Variants in RIT2 observed in about 807,000 individuals in gnomAD.
RIT2 encodes the protein GTP-binding protein Rit2.
Under a neutral mutation model 23.7 loss-of-function variants are expected in RIT2, and 24 were observed. That is an observed-to-expected ratio of 1.01 (90% CI 0.73 to 1.43). The LOEUF is 1.43. Ranked by LOEUF, RIT2 falls within the 40% of genes most tolerant of loss-of-function variation. The pLI, the probability that RIT2 is intolerant of heterozygous loss-of-function variation, is 0.00. For synonymous variants in RIT2, 107 were observed against 91.1 expected, an observed-to-expected ratio of 1.17 and a Z score of -0.99; for missense variants, 236 against 266.9, an observed-to-expected ratio of 0.88 and a Z score of 0.81.
At chr18:43,008,094 G>A (rs183862161) in intron 2 of RIT2, among the ~76,000 whole-genome samples, 92 of 151,628 alleles carry the variant, frequency 6.1e-4, no homozygotes, top group African/African-American at 2.2e-3. Context: ...TCTGAATGTG[G>A]CTAAATCTTT....
intron 3 of RIT2, among the ~76,000 whole-genome samples, chr18:42,932,571 A>G (rs1168396760): frequency 6.6e-6 from 1 of 152,160 alleles, no homozygotes; most frequent in Non-Finnish European, 1.5e-5. Flanking sequence ...CTGATCATAA[A>G]AGCTGTCTCT....
At chr18:42,942,426 C>A (rs1447142740) in intron 3 of RIT2, among the ~76,000 whole-genome samples, 1 of 152,152 alleles carries the variant, frequency 6.6e-6, no homozygotes, top group African/African-American at 2.4e-5. Flanking sequence ...AACATTAAAT[C>A]AACTTTCACA....
chr18:42,913,688 A>C (rs756716246), intron 4 of RIT2, among the ~76,000 whole-genome samples: 1 of 152,012 alleles, frequency 6.6e-6, no homozygotes, highest in Non-Finnish European at 1.5e-5. Context: ...AAGAGTAAAA[A>C]GGTGGTTGCT....
chr18:42,991,169 T>C (rs1398923272), intron 2 of RIT2, among the ~76,000 whole-genome samples: 6 of 152,184 alleles, frequency 3.9e-5, no homozygotes, highest in African/African-American at 1.4e-4. Context: ...CCTTCCATGA[T>C]TGAGACAGAA....
intron 4 of RIT2, among the ~76,000 whole-genome samples, chr18:42,767,045 C>T (rs1458271415): frequency 6.6e-6 from 1 of 152,230 alleles, no homozygotes; most frequent in Non-Finnish European, 1.5e-5. Flanking sequence ...TCATCAAGAA[C>T]CTCTGCTAGG....
At chr18:42,795,065 C>T (rs1914126576) in intron 4 of RIT2, among the ~76,000 whole-genome samples, 1 of 152,226 alleles carries the variant, frequency 6.6e-6, no homozygotes, top group East Asian at 1.9e-4. Context: ...CCTGGTCGCA[C>T]TGAGAGGTGA....
intron 1 of RIT2, among the ~76,000 whole-genome samples, chr18:43,042,525 C>G (rs760227811): frequency 6.6e-5 from 10 of 152,192 alleles, no homozygotes; most frequent in Non-Finnish European, 1.5e-4. Context: ...ATGGCTTGCT[C>G]TATATTTCTT....
At chr18:42,807,343 G>A (rs1470289771) in intron 4 of RIT2, among the ~76,000 whole-genome samples, 2 of 152,180 alleles carry the variant, frequency 1.3e-5, no homozygotes, top group Non-Finnish European at 2.9e-5. Context: ...TAGGCTGGGT[G>A]CAGTGGCTCA....
intron 3 of RIT2, among the ~76,000 whole-genome samples, chr18:42,958,982 C>G (rs1244795471): frequency 1.3e-5 from 2 of 152,142 alleles, no homozygotes; most frequent in Admixed American, 1.3e-4. Context: ...CTCCTGAACT[C>G]AAGATCATGT....
At chr18:43,047,211 A>C (rs950214555) in intron 1 of RIT2, among the ~76,000 whole-genome samples, 2 of 151,204 alleles carry the variant, frequency 1.3e-5, no homozygotes, top group South Asian at 2.1e-4. Flanking sequence ...TTGTGCTTAT[A>C]TCTCTCCCTT....
At chr18:42,746,949 C>A (rs1912931221) in intron 4 of RIT2, among the ~76,000 whole-genome samples, 1 of 151,978 alleles carries the variant, frequency 6.6e-6, no homozygotes, top group Non-Finnish European at 1.5e-5. Context: ...CGATGTAGCA[C>A]TGAATGGGGA....
At chr18:43,036,691 A>G (rs527775046) in intron 1 of RIT2, among the ~76,000 whole-genome samples, 80 of 152,294 alleles carry the variant, frequency 5.3e-4, no homozygotes, top group Non-Finnish European at 6.0e-4. Flanking sequence ...CTTCTGACCC[A>G]CCGCTGAGAC....
At chr18:43,006,115 G>C (rs1254786961) in intron 2 of RIT2, among the ~76,000 whole-genome samples, 1 of 151,682 alleles carries the variant, frequency 6.6e-6, no homozygotes, top group African/African-American at 2.4e-5. Flanking sequence ...TAAAAGTAGG[G>C]GAAGAGAACG....
intron 4 of RIT2, among the ~76,000 whole-genome samples, chr18:42,786,827 T>C (rs1913933111): frequency 6.6e-6 from 1 of 152,124 alleles, no homozygotes; most frequent in Non-Finnish European, 1.5e-5. Context: ...TCAGATCCAG[T>C]CTTTTTGCTC....
chr18:42,931,100 C>G (rs1409978851), intron 3 of RIT2, among the ~76,000 whole-genome samples: 1 of 152,040 alleles, frequency 6.6e-6, no homozygotes, highest in Non-Finnish European at 1.5e-5. Context: ...TAGACTCTAA[C>G]CTACCTGAGC....
intron 3 of RIT2, among the ~76,000 whole-genome samples, chr18:42,972,509 T>C (rs1910385615): frequency 6.6e-6 from 1 of 151,014 alleles, no homozygotes; most frequent in African/African-American, 2.5e-5. Flanking sequence ...GGAAATAATA[T>C]GATGAAGATT....
chr18:42,815,339 G>A (rs866344734), intron 4 of RIT2, among the ~76,000 whole-genome samples: 6 of 152,126 alleles, frequency 3.9e-5, no homozygotes, highest in African/African-American at 1.4e-4. Context: ...GAAAGTCTCA[G>A]CAATAGAATC....
chr18:43,026,548 G>C (rs1323389455), intron 2 of RIT2, among the ~76,000 whole-genome samples: 1 of 108,984 alleles, frequency 9.2e-6, no homozygotes, highest in African/African-American at 3.8e-5. Flanking sequence ...GTAAGACTCT[G>C]TCAAAAAAAA....
intron 4 of RIT2, among the ~76,000 whole-genome samples, chr18:42,853,774 A>G (rs1471846012): frequency 6.6e-6 from 1 of 152,202 alleles, no homozygotes; most frequent in Non-Finnish European, 1.5e-5. Flanking sequence ...CAGCTATTTT[A>G]GGTTCTACAA....
Sources: gnomAD v4.1 joint callset for allele counts (sites outside exome capture counted in the v4.1 genomes callset) on GRCh38, gnomAD v4.1.1 for gene constraint, MANE v1.5 for transcripts, NCBI Gene and HGNC (gene_info 2026-07-23, HGNC 2026-07-21) for gene names.